The following ARHGAP8 variants were observed in gnomAD, a reference collection of about 807,000 sequenced individuals.
The protein encoded by ARHGAP8 is Rho GTPase activating protein 8, also known as rho GTPase-activating protein 8.
In ARHGAP8, 62 loss-of-function variants were observed where a neutral mutation model predicts 46.1. That is an observed-to-expected ratio of 1.34 (90% CI 1.10 to 1.66). ARHGAP8 has a LOEUF of 1.66. ARHGAP8 is among the 40% of genes most tolerant of loss of function. The pLI is 0.00. For synonymous variants in ARHGAP8, 375 were observed against 243.1 expected (o/e 1.54, Z -5.05); for missense variants, 923 against 568.4 (o/e 1.62, Z -6.34).
chr22:44,808,079 C>G (rs902302091), intron 3 of ARHGAP8, among the ~76,000 whole-genome samples: 2 of 152,202 alleles, frequency 1.3e-5, no homozygotes, highest in Non-Finnish European at 2.9e-5. Flanking sequence ...ACAATCTGGC[C>G]TACCACATCC....
chr22:44,787,047 A>AAAAAAAAAAAAAAC (rs796358176), intron 2 of ARHGAP8, among the ~76,000 whole-genome samples: 1 of 145,484 alleles, frequency 6.9e-6, no homozygotes, highest in South Asian at 2.2e-4. Flanking sequence ...CAAAAAAAAA[A>AAAAAAAAAAAAAAC]AAAAGAAAGA....
intron 7 of ARHGAP8, among the ~76,000 whole-genome samples, chr22:44,840,568 C>T (rs575351090): frequency 4.6e-5 from 7 of 152,214 alleles, no homozygotes; most frequent in Non-Finnish European, 8.8e-5. Flanking sequence ...ATTTACTTCT[C>T]ATAGAGCTGG....
chr22:44,816,924 C>T (rs1929793954), intron 5 of ARHGAP8, among the ~76,000 whole-genome samples: 1 of 128,822 alleles, frequency 7.8e-6, no homozygotes, highest in African/African-American at 3.2e-5. Flanking sequence ...TCGCTTTTGT[C>T]CCCCAGGCTG....
At chr22:44,753,641 TCGGGCTCTG>T (rs1332925696) in intron 1 of ARHGAP8, among the ~76,000 whole-genome samples, 1 of 151,964 alleles carries the variant, frequency 6.6e-6, no homozygotes, top group East Asian at 1.9e-4. Context: ...TGAGAATCCC[TCGGGCTCTG>T]CCACACCCTG....
chr22:44,784,829 A>G (rs1927097491), intron 1 of ARHGAP8, among the ~76,000 whole-genome samples: 1 of 152,138 alleles, frequency 6.6e-6, no homozygotes, highest in Non-Finnish European at 1.5e-5. Flanking sequence ...CACTGCCGGA[A>G]AGTGTTCTTG....
At chr22:44,815,295 C>T (rs1338947905) in intron 5 of ARHGAP8, among the ~76,000 whole-genome samples, 3 of 152,154 alleles carry the variant, frequency 2.0e-5, no homozygotes, top group Non-Finnish European at 2.9e-5. Flanking sequence ...AGCCTTGGTG[C>T]CCAGGGTTTT....
intron 4 of ARHGAP8, among the ~76,000 whole-genome samples, chr22:44,813,640 T>TAC (rs960958417): frequency 1.9e-4 from 28 of 150,796 alleles, no homozygotes; most frequent in Non-Finnish European, 3.3e-4. Flanking sequence ...TACACACACC[T>TAC]ACACACACAC....
chr22:44,811,151 C>T (rs1268399441), intron 4 of ARHGAP8, among the ~76,000 whole-genome samples: 1 of 152,208 alleles, frequency 6.6e-6, no homozygotes, highest in East Asian at 1.9e-4. Flanking sequence ...GCTGCTGGTT[C>T]GCACATAAGG....
intron 2 of ARHGAP8, among the ~76,000 whole-genome samples, chr22:44,787,865 A>G (rs1296889484): frequency 6.6e-6 from 1 of 151,418 alleles, no homozygotes; most frequent in Admixed American, 6.6e-5. Context: ...TACAGGAGGG[A>G]CAGCAAGAGG....
chr22:44,824,807 A>G (rs1478779431), intron 6 of ARHGAP8, among the ~76,000 whole-genome samples: 1 of 150,948 alleles, frequency 6.6e-6, no homozygotes, highest in African/African-American at 2.4e-5. Context: ...TAATTTTTGT[A>G]TTTTCAGTAG....
chr22:44,799,113 A>C (rs1185500597), intron 2 of ARHGAP8, among the ~76,000 whole-genome samples: 1 of 152,212 alleles, frequency 6.6e-6, no homozygotes, highest in Admixed American at 6.5e-5. Flanking sequence ...GCACCCTCAC[A>C]GAAGCCAGGG....
At chr22:44,852,052 G>A (rs1221180308) in intron 10 of ARHGAP8, among the ~76,000 whole-genome samples, 1 of 151,676 alleles carries the variant, frequency 6.6e-6, no homozygotes, top group African/African-American at 2.4e-5. Flanking sequence ...TTAGCTGGGC[G>A]TGGTGGTGGA....
intron 1 of ARHGAP8, among the ~76,000 whole-genome samples, chr22:44,757,873 C>T (rs905039568): frequency 1.4e-5 from 2 of 145,122 alleles, no homozygotes; most frequent in African/African-American, 2.6e-5. Flanking sequence ...AGGCTAGTTT[C>T]GAACTCCTGA....
chr22:44,780,609 C>T (rs1356309750), intron 1 of ARHGAP8, among the ~76,000 whole-genome samples: 1 of 152,092 alleles, frequency 6.6e-6, no homozygotes, highest in African/African-American at 2.4e-5. Context: ...TTGCATTGAG[C>T]CGAGATCGCA....
chr22:44,813,790 CACAT>C (rs979439882), intron 4 of ARHGAP8, among the ~76,000 whole-genome samples: 80 of 151,692 alleles, frequency 5.3e-4, no homozygotes, highest in African/African-American at 1.8e-3. Flanking sequence ...CACCTACACA[CACAT>C]ACAATTACAG....
intron 1 of ARHGAP8, among the ~76,000 whole-genome samples, chr22:44,760,400 T>A (rs551003737): frequency 6.6e-6 from 1 of 152,280 alleles, no homozygotes; most frequent in East Asian, 1.9e-4. Flanking sequence ...CTGGCCAGTG[T>A]CTGCCTCAGG....
chr22:44,822,969 C>T (rs1181307125), intron 6 of ARHGAP8, among the ~76,000 whole-genome samples: 1 of 152,222 alleles, frequency 6.6e-6, no homozygotes, highest in African/African-American at 2.4e-5. Context: ...AGGCGTATGC[C>T]ACACAGCCAG....
intron 1 of ARHGAP8, among the ~76,000 whole-genome samples, chr22:44,757,912 C>T (rs993418433): frequency 1.3e-5 from 2 of 151,414 alleles, no homozygotes; most frequent in African/African-American, 4.9e-5. Context: ...CCCTAGGCTT[C>T]CCAAATTGCA....
intron 7 of ARHGAP8, among the ~76,000 whole-genome samples, chr22:44,830,670 G>T (rs1930883299): frequency 6.6e-6 from 1 of 152,036 alleles, no homozygotes; most frequent in South Asian, 2.1e-4. Flanking sequence ...CCGAGTATGT[G>T]TGACTACAGG....
Sources: allele counts gnomAD v4.1 joint callset (sites outside exome capture counted in the v4.1 genomes callset), GRCh38; gene constraint gnomAD v4.1.1; transcripts MANE v1.5; gene names NCBI Gene and HGNC (gene_info 2026-07-23, HGNC 2026-07-21).